CNTNAP3: variants seen among roughly 807,000 people sequenced by gnomAD.
CNTNAP3 encodes the protein contactin associated protein family member 3.
Under a neutral mutation model 92.1 loss-of-function variants are expected in CNTNAP3, and 36 were observed. That is an observed-to-expected ratio of 0.39 (90% confidence interval 0.30 to 0.52). The LOEUF (loss-of-function observed/expected upper bound fraction) is 0.52, where lower values mean the gene tolerates loss of function less well. Among genes scored for constraint, CNTNAP3 ranks in the 20% least tolerant of loss-of-function variants. The probability of loss-of-function intolerance (pLI) is 0.76; values close to 1 mark genes in which losing one functional copy is unlikely to be tolerated. For synonymous variants in CNTNAP3, 232 were observed against 422.3 expected, an observed-to-expected ratio of 0.55 and a Z score of 5.53; for missense variants, 534 against 1,069.6, an observed-to-expected ratio of 0.50 and a Z score of 6.98.
In CNTNAP3 at chr9:39,068,752, G is replaced by A. The variant is rs1210969523; in HGVS notation, c.*5138C>T. ...TCAGAGACTTGCTAGGCTTCCTTAAGCTATCTATCTCCATTGTCACTGCTG... is the reference window on the plus strand; with the variant it reads ...TCAGAGACTTGCTAGGCTTCCTTAAACTATCTATCTCCATTGTCACTGCTG... On this transcript the variant is annotated 3_prime_UTR_variant, in exon 24 of 24. Coordinates refer to ENST00000297668, the MANE Select transcript of CNTNAP3 (RefSeq NM_033655.5). 3.3e-5 allele frequency among the ~76,000 whole-genome samples: 5 copies of A among 152,302 alleles called. No homozygotes were observed. Among genetic ancestry groups the A allele is most frequent in the Admixed American group, 6.5e-5 (1 of 15,292 alleles).
intron 12 of CNTNAP3, among the ~76,000 whole-genome samples, chr9:39,136,180 T>A (rs1821429789): frequency 6.7e-6 from 1 of 149,020 alleles, no homozygotes; most frequent in South Asian, 2.2e-4. Flanking sequence ...AATAGTTGTA[T>A]GGGTACTTGA....
intron 23 of CNTNAP3, among the ~76,000 whole-genome samples, chr9:39,077,300 T>C (rs1424236055): frequency 6.6e-6 from 1 of 152,062 alleles, no homozygotes; most frequent in Non-Finnish European, 1.5e-5. Context: ...TAATCACGCC[T>C]GTAATCCCAG....
chr9:39,089,437 T>C (rs1826140766), intron 18 of CNTNAP3, among the ~76,000 whole-genome samples: 1 of 152,222 alleles, frequency 6.6e-6, no homozygotes, highest in African/African-American at 2.4e-5. Flanking sequence ...GTAATGGATG[T>C]GCCACATTTT....
At chr9:39,081,981 GGAGGCT>G (rs1241621065) in intron 21 of CNTNAP3, among the ~76,000 whole-genome samples, 2 of 151,776 alleles carry the variant, frequency 1.3e-5, no homozygotes, top group Non-Finnish European at 2.9e-5. Context: ...CAGCTACTTG[GGAGGCT>G]GAGGCAGGAG....
intron 15 of CNTNAP3, chr9:39,106,741 G>A (rs1163597536): frequency 6.6e-6 from 1 of 152,122 alleles, no homozygotes; most frequent in Non-Finnish European, 1.5e-5. Context: ...TTTTTGAGAA[G>A]TACAGAGTAC....
Position 39,067,073 on chromosome 9 carries a change from G to A in CNTNAP3, c.*6817C>T, listed in dbSNP as rs1330439323. Among the ~76,000 whole-genome samples the A allele has an allele frequency of 3.0e-4, 45 of 152,288 alleles. No individual in the cohort carries two copies. Among genetic ancestry groups the A allele is most frequent in the African/African-American group, 1.0e-3 (43 of 41,528 alleles). On this transcript the variant is annotated 3_prime_UTR_variant, in exon 24 of 24. Coordinates refer to ENST00000297668, the MANE Select transcript of CNTNAP3 (RefSeq NM_033655.5). The stretch of plus-strand genomic sequence containing the variant: ...TTTCTGTCTCTGTTTCATTTTGGAT[G>A]CTTTCTACTGCTATATATATTCAAG...
intron 11 of CNTNAP3, among the ~76,000 whole-genome samples, chr9:39,142,671 C>CAA (rs560924846): frequency 0.013 from 1,304 of 102,628 alleles, 20 homozygotes; most frequent in African/African-American, 0.046. Flanking sequence ...GACTCCGTCT[C>CAA]AAAAAAAAAA....
At chr9:39,124,650 T>TA (rs567462616) in intron 13 of CNTNAP3, among the ~76,000 whole-genome samples, 217 of 152,034 alleles carry the variant, frequency 1.4e-3, no homozygotes, top group African/African-American at 4.1e-3. Context: ...ACACAGAACT[T>TA]AAACAAATTT....
intron 13 of CNTNAP3, among the ~76,000 whole-genome samples, chr9:39,120,625 G>C (rs1820996470): frequency 6.6e-6 from 1 of 152,144 alleles, no homozygotes; most frequent in Admixed American, 6.5e-5. Flanking sequence ...AGCCGAGATT[G>C]TGCCACTGCA....
At chr9:39,074,966 C>T (rs1440871271) in intron 23 of CNTNAP3, among the ~76,000 whole-genome samples, 7 of 152,368 alleles carry the variant, frequency 4.6e-5, no homozygotes, top group African/African-American at 1.4e-4. Flanking sequence ...GACGGGGTTT[C>T]ACCGTGTTAG....
chr9:39,288,106 G>A lies in CNTNAP3; in HGVS notation c.-42C>T. 2.2e-6 allele frequency: 1 copy of A among 461,558 alleles called. No individual in the cohort carries two copies. Among genetic ancestry groups the A allele is most frequent in the South Asian group, 3.5e-5 (1 of 28,904 alleles). 28.6% of individuals were successfully genotyped at this position (461,558 alleles called of 1,614,324 possible). ...CGCCCTGAGACCCGGGCACGGCGAC[G>A]GCCGCTCTGCGTCGCTCCTGCTCTC... is the stretch of plus-strand genomic sequence containing the variant. On this transcript the variant is annotated 5_prime_UTR_variant, in exon 1 of 24. Transcript: ENST00000297668.
chr9:39,139,102 G>A (rs111582182), intron 12 of CNTNAP3, among the ~76,000 whole-genome samples: 103 of 152,170 alleles, frequency 6.8e-4, no homozygotes, highest in Non-Finnish European at 1.1e-3. Flanking sequence ...TGGCTATAGC[G>A]CAATGGGGCA....
chr9:39,071,461 C>T lies in CNTNAP3; in HGVS notation c.*2429G>A, dbSNP rs1232711897. Among the ~76,000 whole-genome samples, 3 of 151,782 alleles carry T rather than the reference C, an allele frequency of 2.0e-5. No individual in the cohort carries two copies. Among genetic ancestry groups the T allele is most frequent in the Non-Finnish European group, 2.9e-5 (2 of 67,908 alleles). On this transcript the variant is annotated 3_prime_UTR_variant, in exon 24 of 24. Transcript: ENST00000297668. ...CCACTCTATTTTTAATATTAGAATT[C>T]TGAAGTTTTTAAGCATCAGAATCTT...
chr9:39,096,645 C>A (rs1758516), intron 18 of CNTNAP3, among the ~76,000 whole-genome samples: 3 of 149,378 alleles, frequency 2.0e-5, no homozygotes, highest in Admixed American at 6.6e-5. Context: ...ACATGAAAGA[C>A]GGTTTTGCTG....
intron 19 of CNTNAP3, among the ~76,000 whole-genome samples, chr9:39,087,542 A>G (rs2118423947): frequency 6.6e-6 from 1 of 151,954 alleles, no homozygotes; most frequent in South Asian, 2.1e-4. Flanking sequence ...GCTGGAGTGC[A>G]GTGGCGCGAT....
At chr9:39,116,222 T>C (rs1455223391) in intron 14 of CNTNAP3, among the ~76,000 whole-genome samples, 1 of 152,126 alleles carries the variant, frequency 6.6e-6, no homozygotes, top group Admixed American at 6.5e-5. Flanking sequence ...TATATGCCAT[T>C]CTGGCTTTCT....
intron 7 of CNTNAP3, chr9:39,174,211 CTCTTT>C: frequency 1.6e-5 from 1 of 62,346 alleles, no homozygotes; most frequent in Middle Eastern, 6.7e-3. Context: ...TATCTCCTTC[CTCTTT>C]TCATTTCTTT....
chr9:39,106,751 C>T (rs1693331623), intron 15 of CNTNAP3: 2 of 151,904 alleles, frequency 1.3e-5, no homozygotes, highest in Non-Finnish European at 1.5e-5. Flanking sequence ...GTACAGAGTA[C>T]CTAGAAACCA....
At chr9:39,132,782 A>G in intron 13 of CNTNAP3, 150 bp downstream of exon 13, 7 of 968,920 alleles carry the variant, frequency 7.2e-6, no homozygotes, top group Non-Finnish European at 7.2e-6. Context: ...TGGTCCAACC[A>G]AGAGCGGGAA....
Sources: gnomAD v4.1 joint callset for allele counts (sites outside exome capture counted in the v4.1 genomes callset) on GRCh38, gnomAD v4.1.1 for gene constraint, MANE v1.5 for transcripts, NCBI Gene and HGNC (gene_info 2026-07-23, HGNC 2026-07-21) for gene names.